The following AOAH variants were observed in gnomAD, a reference collection of about 807,000 sequenced individuals.
The protein encoded by AOAH is acyloxyacyl hydrolase (neutrophil).
In AOAH, 64 loss-of-function variants were observed where a neutral mutation model predicts 92.2. The observed-to-expected ratio is 0.69, with a 90% CI of 0.57 to 0.86. The LOEUF is 0.86. Among genes scored for constraint, AOAH ranks in the 40% least tolerant of loss-of-function variants. AOAH has a pLI of 0.00. For synonymous variants in AOAH, 263 were observed against 254.5 expected (o/e 1.03, Z -0.32); for missense variants, 656 against 694.6 (o/e 0.94, Z 0.62).
chr7:36,676,158 A>G (rs1796245163), intron 2 of AOAH, among the ~76,000 whole-genome samples: 1 of 152,220 alleles, frequency 6.6e-6, no homozygotes, highest in Non-Finnish European at 1.5e-5. Context: ...TTCAGATTGG[A>G]AAGTAAAGAT....
chr7:36,713,203 T>C (rs1022289927), intron 1 of AOAH, among the ~76,000 whole-genome samples: 2 of 152,170 alleles, frequency 1.3e-5, no homozygotes, highest in African/African-American at 4.8e-5. Context: ...AAACAGACTT[T>C]AAACCAACAT....
At chr7:36,562,076 C>A (rs997722563) in intron 13 of AOAH, among the ~76,000 whole-genome samples, 2 of 152,216 alleles carry the variant, frequency 1.3e-5, no homozygotes, top group African/African-American at 2.4e-5. Context: ...AAAGTTCTTG[C>A]GCCTTCCACT....
intron 10 of AOAH, among the ~76,000 whole-genome samples, chr7:36,617,595 T>C (rs1021082730): frequency 6.6e-6 from 1 of 152,184 alleles, no homozygotes; most frequent in African/African-American, 2.4e-5. Flanking sequence ...AATGAGTGAA[T>C]GAATGAATGA....
At chr7:36,636,977 TCCCATTG>T (rs1793567215) in intron 5 of AOAH, among the ~76,000 whole-genome samples, 1 of 152,174 alleles carries the variant, frequency 6.6e-6, no homozygotes, top group African/African-American at 2.4e-5. Context: ...GTCTTTGCCC[TCCCATTG>T]CCCATTGCTG....
At chr7:36,666,531 A>G (rs1227226733) in intron 3 of AOAH, among the ~76,000 whole-genome samples, 1 of 151,810 alleles carries the variant, frequency 6.6e-6, no homozygotes, top group Admixed American at 6.6e-5. Flanking sequence ...TTCTATTTCT[A>G]TATTAAATTT....
In AOAH at chr7:36,571,286, G is replaced by T. The variant is rs542372263; in HGVS notation, c.1021+5288C>A. Among the ~76,000 whole-genome samples, 3 of 152,290 alleles carry T rather than the reference G, an allele frequency of 2.0e-5. No homozygotes were observed. In the East Asian group the frequency reaches 5.8e-4, roughly 29 times the overall value. On this transcript the variant is annotated intron_variant, in intron 13 of 20. Transcript: ENST00000617537. The stretch of plus-strand genomic sequence containing the variant: ...GTGGGTGCTGCCAGAGCCGTTTGCT[G>T]ATGGTCTATCCCCCAAAGGGAGGGC...
chr7:36,650,547 C>T (rs1038838503), intron 4 of AOAH, among the ~76,000 whole-genome samples: 4 of 152,114 alleles, frequency 2.6e-5, no homozygotes, highest in African/African-American at 4.8e-5. Context: ...CTTCAGTGCT[C>T]GTCAAAAGCG....
At chr7:36,517,262 C>T (rs1360754212) in intron 20 of AOAH, among the ~76,000 whole-genome samples, 3 of 132,678 alleles carry the variant, frequency 2.3e-5, no homozygotes. Flanking sequence ...CTGTGTCTCT[C>T]TCTTTCTTTC....
At chr7:36,693,704 TAAAC>T (rs1458794115) in intron 1 of AOAH, among the ~76,000 whole-genome samples, 7 of 152,202 alleles carry the variant, frequency 4.6e-5, no homozygotes, top group Admixed American at 6.5e-5. Flanking sequence ...GCCAATTTGA[TAAAC>T]TATTATTAGG....
intron 16 of AOAH, among the ~76,000 whole-genome samples, chr7:36,535,760 GCA>G (rs1316357450): frequency 7.9e-5 from 7 of 88,488 alleles, no homozygotes; most frequent in Non-Finnish European, 1.5e-4. Flanking sequence ...GGACACAGAT[GCA>G]TCTTATGTCA....
chr7:36,674,446 C>T (rs1459157440), intron 2 of AOAH, among the ~76,000 whole-genome samples: 1 of 152,116 alleles, frequency 6.6e-6, no homozygotes, highest in Admixed American at 6.5e-5. Context: ...CACTTGGGGT[C>T]CTTAGTTTTT....
chr7:36,621,859 G>A, intron 7 of AOAH, 79 bp from the exon 8 acceptor site: 2 of 1,230,282 alleles, frequency 1.6e-6, no homozygotes, highest in Non-Finnish European at 2.4e-6. Context: ...AGAGTTGTCT[G>A]AATGGCATTG....
chr7:36,616,460 C>T lies in AOAH; in HGVS notation c.766G>A (p.Gly256Arg). 1.9e-6 allele frequency: 3 copies of T among 1,613,986 alleles called. No individual in the cohort carries two copies. The highest frequency in any genetic ancestry group is 2.5e-6 in the Non-Finnish European group (3 of 1,179,904). Reference sequence around the variant, plus strand: ...GCTGAGTCTCCCAGCAAAATGATTCCCCTGGGCTGTGAACCTAGGCAGCAC... The same window carrying T: ...GCTGAGTCTCCCAGCAAAATGATTCTCCTGGGCTGTGAACCTAGGCAGCAC... ...KKFCEGSQPR[G>R]IILLGDSAGA... Residue 256 changes from glycine (G) to arginine (R), a missense_variant, in exon 11 of 21, where the codon GGA (glycine) becomes AGA (arginine). Gly to Arg is a moderately radical substitution (Grantham distance 125, BLOSUM62 -2). Coordinates refer to ENST00000617537, the MANE Select transcript of AOAH (RefSeq NM_001637.4).
chr7:36,559,200 G>A lies in AOAH; in HGVS notation c.1022-9725C>T, dbSNP rs1297782316. 2.0e-5 allele frequency among the ~76,000 whole-genome samples: 3 copies of A among 152,202 alleles called. No homozygotes were observed. In the East Asian group the frequency reaches 5.8e-4, roughly 29 times the overall value. ...TGTCTTTGCTATTGTGAATAGTGTTGTGATGAATATATGGGTACATATGCC... is the reference window on the plus strand; with the variant it reads ...TGTCTTTGCTATTGTGAATAGTGTTATGATGAATATATGGGTACATATGCC... On this transcript the variant is annotated intron_variant, in intron 13 of 20. Coordinates refer to ENST00000617537, the MANE Select transcript of AOAH (RefSeq NM_001637.4).
chr7:36,571,265 G>T (rs1788130422), intron 13 of AOAH, among the ~76,000 whole-genome samples: 1 of 152,142 alleles, frequency 6.6e-6, no homozygotes. Flanking sequence ...AGCTGGGTGG[G>T]TGCTGCCAGA....
chr7:36,572,963 T>A (rs1048651909), intron 13 of AOAH, among the ~76,000 whole-genome samples: 31 of 152,202 alleles, frequency 2.0e-4, no homozygotes, highest in African/African-American at 7.2e-4. Context: ...CAACCCTGAA[T>A]GAGATCCAGG....
At chr7:36,576,892 A>T (rs113987057) in intron 12 of AOAH, among the ~76,000 whole-genome samples, 2,081 of 152,226 alleles carry the variant, frequency 0.014, 51 homozygotes, top group African/African-American at 0.046. Context: ...AAGACATAAA[A>T]CTTTTTCTTT....
chr7:36,695,686 A>C (rs1407179023), intron 1 of AOAH, among the ~76,000 whole-genome samples: 3 of 152,236 alleles, frequency 2.0e-5, no homozygotes, highest in African/African-American at 7.2e-5. Flanking sequence ...ATTATCAATC[A>C]TGTTAATTAA....
intron 12 of AOAH, among the ~76,000 whole-genome samples, chr7:36,579,378 C>CA (rs200848912): frequency 0.092 from 13,907 of 151,746 alleles, 750 homozygotes; most frequent in Admixed American, 0.15. Context: ...CCCCGCCCCC[C>CA]CCAAATTGTG....
Sources: allele counts gnomAD v4.1 joint callset (sites outside exome capture counted in the v4.1 genomes callset), GRCh38; gene constraint gnomAD v4.1.1; transcripts MANE v1.5; gene names NCBI Gene and HGNC (gene_info 2026-07-23, HGNC 2026-07-21).